Variants in UBE2O observed in about 807,000 individuals in gnomAD.
The protein encoded by UBE2O is ubiquitin conjugating enzyme E2 O.
UBE2O carries 15 observed loss-of-function variants against 125.8 expected under a neutral mutation model. The ratio of observed to expected loss-of-function variants is 0.12; its 90% confidence interval spans 0.08 to 0.18. The LOEUF (loss-of-function observed/expected upper bound fraction) is 0.18, where lower values mean the gene tolerates loss of function less well. Ranked by LOEUF, UBE2O falls within the 10% of genes least tolerant of loss-of-function variation. The pLI is 1.00. For synonymous variants in UBE2O, 708 were observed against 703.2 expected, an observed-to-expected ratio of 1.01 and a Z score of -0.11; for missense variants, 1,280 against 1,723.6, an observed-to-expected ratio of 0.74 and a Z score of 4.56.
chr17:76,412,447 A>C (rs886573331), intron 1 of UBE2O, among the ~76,000 whole-genome samples: 2 of 152,106 alleles, frequency 1.3e-5, no homozygotes, highest in African/African-American at 4.8e-5. Flanking sequence ...CTAGGTGTAT[A>C]GAAAAAGAGT....
chr17:76,433,658 G>T (rs2072938487), intron 1 of UBE2O, among the ~76,000 whole-genome samples: 1 of 151,428 alleles, frequency 6.6e-6, no homozygotes, highest in Non-Finnish European at 1.5e-5. Context: ...AGGAGGTGGA[G>T]TGAGTATTGC....
At chr17:76,416,446 T>C (rs905439365) in intron 1 of UBE2O, among the ~76,000 whole-genome samples, 2 of 152,094 alleles carry the variant, frequency 1.3e-5, no homozygotes, top group Non-Finnish European at 2.9e-5. Context: ...CTGAGCTGCT[T>C]CTGGGAAAAT....
chr17:76,417,540 T>A (rs2072635649), intron 1 of UBE2O, among the ~76,000 whole-genome samples: 1 of 152,202 alleles, frequency 6.6e-6, no homozygotes, highest in South Asian at 2.1e-4. Context: ...GTCAAAATTC[T>A]CTACCCCCTC....
Position 76,391,009 on chromosome 17 carries a change from A to C in UBE2O, c.3813T>G (p.Gly1271=). 4 of 1,613,726 alleles carry C rather than the reference A, an allele frequency of 2.5e-6. No individual in the cohort carries two copies. Among genetic ancestry groups the C allele is most frequent in the Non-Finnish European group, 3.4e-6 (4 of 1,179,982 alleles). Residue 1271 remains glycine, a synonymous_variant, in exon 18 of 18, where the codon GGT becomes GGG. Transcript: ENST00000319380. The surrounding 1 kb of genome is among the most constrained non-coding windows in gnomAD (Gnocchi z 8.4). ...LSKGFIKSIR[G]VLTQFRAALL... ...GGGCAGCCCGGAACTGCGTCAGGAC[A>C]CCCCGGATGCTCTTGATGAAACCCT...
At chr17:76,403,694 A>G (rs764199321) in intron 3 of UBE2O, among the ~76,000 whole-genome samples, 1 of 152,250 alleles carries the variant, frequency 6.6e-6, no homozygotes, top group Non-Finnish European at 1.5e-5. Context: ...AGTAGCAATT[A>G]GCACACCTAG....
chr17:76,424,207 C>CTTTT (rs569775028), intron 1 of UBE2O, among the ~76,000 whole-genome samples: 1,830 of 105,242 alleles, frequency 0.017, 42 homozygotes, highest in Admixed American at 0.019. Context: ...CGCGCCCGGC[C>CTTTT]TTTTTTTTTT....
chr17:76,433,956 A>G (rs1370582706), intron 1 of UBE2O, among the ~76,000 whole-genome samples: 1 of 152,170 alleles, frequency 6.6e-6, no homozygotes, highest in African/African-American at 2.4e-5. Context: ...TATCAATTCT[A>G]TTTTTCAAGT....
chr17:76,405,566 G>A lies in UBE2O; in HGVS notation c.424C>T (p.Leu142=). The change falls in exon 2 of 18, where the codon CTA becomes TTA. Residue 142 remains leucine, a synonymous_variant. Coordinates refer to ENST00000319380, the MANE Select transcript of UBE2O (RefSeq NM_022066.4). This position sits in a 1 kb window ranked among gnomAD's most constrained non-coding sequence, Gnocchi z 6.1. The part of the protein sequence containing the change: ...KQHVKETKLK[L]EDRSVVPRDV... ...CGGGGCACCACAGAACGGTCCTCTA[G>A]TTTCAGCTGTAAAAGAAAATACAGG... 6.3e-7 allele frequency: 1 copy of A among 1,592,226 alleles called. No homozygotes were observed. The highest frequency in any genetic ancestry group is 8.5e-7 in the Non-Finnish European group (1 of 1,171,040).
chr17:76,420,057 T>A (rs2143799911), intron 1 of UBE2O, among the ~76,000 whole-genome samples: 1 of 152,196 alleles, frequency 6.6e-6, no homozygotes, highest in African/African-American at 2.4e-5. Context: ...CTGCCACAGC[T>A]CATGATCCGG....
At position 76,399,543 on chromosome 17, in the gene UBE2O, G is replaced by A. The variant is rs199680423; in HGVS notation, c.1534C>T (p.Arg512Cys). ...ATGGACAAGGGGATGCTCTTTTTGCGACTCGTGCCGCTGCCGCTCTGGGAG... is the reference window on the plus strand; with the variant it reads ...ATGGACAAGGGGATGCTCTTTTTGCAACTCGTGCCGCTGCCGCTCTGGGAG... Reference protein sequence around the residue: ...TSSQSGSGTSRKKSIPLSIKN... With the variant: ...TSSQSGSGTSCKKSIPLSIKN... Residue 512 changes from arginine to cysteine, a missense_variant, in exon 9 of 18, where the codon CGC becomes TGC. Around this residue, in one of 10 missense-constraint regions of UBE2O, gnomAD observed 145 missense variants for 219.6 expected, o/e 0.66. Transcript: ENST00000319380. This position sits in a 1 kb window ranked among gnomAD's most constrained non-coding sequence, Gnocchi z 6.9. The A allele has an allele frequency of 2.9e-4, 464 of 1,613,924 alleles. No individual in the cohort carries two copies. The highest frequency in any genetic ancestry group is 1.6e-4 in the Middle Eastern group (1 of 6,084).
chr17:76,405,566 GT>G lies in UBE2O; in HGVS notation c.423del (p.Lys141AsnfsTer2). On this transcript the variant is annotated frameshift_variant, in exon 2 of 18. Coordinates refer to ENST00000319380, the MANE Select transcript of UBE2O (RefSeq NM_022066.4). LOFTEE classifies it high-confidence loss of function. This position sits in a 1 kb window ranked among gnomAD's most constrained non-coding sequence, Gnocchi z 6.1. ...VKQHVKETKL[K>X]LEDRSVVPRD... Reference sequence around the variant, plus strand: ...CGGGGCACCACAGAACGGTCCTCTAGTTTCAGCTGTAAAAGAAAATACAGGT... The same window carrying G: ...CGGGGCACCACAGAACGGTCCTCTAGTTCAGCTGTAAAAGAAAATACAGGT... 1 of 1,592,224 alleles carries G rather than the reference GT, an allele frequency of 6.3e-7. No homozygotes were observed. The highest frequency in any genetic ancestry group is 8.5e-7 in the Non-Finnish European group (1 of 1,171,038).
chr17:76,442,643 A>G (rs1196041425), intron 1 of UBE2O, among the ~76,000 whole-genome samples: 1 of 152,236 alleles, frequency 6.6e-6, no homozygotes, highest in East Asian at 1.9e-4. Context: ...TGAGTTGGGG[A>G]AAAGCAGTCA....
At position 76,389,508 on chromosome 17, in the gene UBE2O, C is replaced by CAAAAAAAAAA. The variant is rs1361682722; in HGVS notation, c.*1434_*1435insTTTTTTTTTT. 2 of 40,650 alleles carry CAAAAAAAAAA rather than the reference C, an allele frequency of 4.9e-5. 1 individual carries two copies. Among genetic ancestry groups the CAAAAAAAAAA allele is most frequent in the Non-Finnish European group, 9.3e-5 (2 of 21,590 alleles). 2.5% of individuals were successfully genotyped at this position (40,650 alleles called of 1,614,324 possible). A position where few individuals can be genotyped will look rare whatever the true frequency, so the allele number is the denominator to read the frequency against. On this transcript the variant is annotated 3_prime_UTR_variant, in exon 18 of 18. Transcript: ENST00000319380. ...TCACCTTGTCTTGCTAATGAGCCAACACAAAAAAAAAAAAAAAAAAAAATG... is the reference window on the plus strand; with the variant it reads ...TCACCTTGTCTTGCTAATGAGCCAACAAAAAAAAAAACAAAAAAAAAAAAAAAAAAAAATG...
intron 1 of UBE2O, among the ~76,000 whole-genome samples, chr17:76,433,410 G>A (rs2072933744): frequency 6.7e-6 from 1 of 148,938 alleles, no homozygotes; most frequent in Non-Finnish European, 1.5e-5. Flanking sequence ...ACAGAACATG[G>A]CTTCCAGGAG....
intron 1 of UBE2O, among the ~76,000 whole-genome samples, chr17:76,415,705 C>T (rs757641241): frequency 3.6e-4 from 55 of 151,532 alleles, no homozygotes; most frequent in Admixed American, 2.8e-3. Context: ...CTTAGGAGGC[C>T]GAGGTAGGAG....
chr17:76,452,887 C>A lies in UBE2O; in HGVS notation c.255G>T (p.Glu85Asp). Residue 85 changes from glutamate (E) to aspartate (D), a missense_variant, in exon 1 of 18, where the codon GAG becomes GAT. Physicochemically the swap from Glu to Asp is conservative, Grantham distance 45 (BLOSUM62 2). Around this residue, in one of 10 missense-constraint regions of UBE2O, gnomAD observed 188 missense variants for 192.5 expected, o/e 0.98. Transcript: ENST00000319380. The surrounding 1 kb of genome is among the most constrained non-coding windows in gnomAD (Gnocchi z 4.4). ...CCTCCTCGCCCTCCGAGTCCGAGTC[C>A]TCGCCGTGGATGAGGCGCACCAGCC... ...HFGLVRLIHG[E>D]DSDSEGEEEG... is the part of the protein sequence containing the mutation. 1 of 1,499,176 alleles carries A rather than the reference C, an allele frequency of 6.7e-7. No homozygotes were observed. Among genetic ancestry groups the A allele is most frequent in the Non-Finnish European group, 8.9e-7 (1 of 1,123,482 alleles). The allele number at this position is 1,499,176 out of a possible 1,614,324, so 92.9% of individuals were successfully genotyped here. A position where few individuals can be genotyped will look rare whatever the true frequency, so the allele number is the denominator to read the frequency against.
In UBE2O at chr17:76,398,567, G is replaced by C; in HGVS notation, c.1801C>G (p.Pro601Ala). 1 of 1,614,006 alleles carries C rather than the reference G, an allele frequency of 6.2e-7. No individual in the cohort carries two copies. Among genetic ancestry groups the C allele is most frequent in the Non-Finnish European group, 8.5e-7 (1 of 1,180,006 alleles). Reference sequence around the variant, plus strand: ...GACTGTACCACACCGTAGACAGCAGGGTCTGGACAGCTCTGGACTAGGGAA... The same window carrying C: ...GACTGTACCACACCGTAGACAGCAGCGTCTGGACAGCTCTGGACTAGGGAA... ...VDKRVQSCPD[P>A]AVYGVVQSGD... The change falls in exon 11 of 18, where the codon CCT (proline) becomes GCT (alanine). Residue 601 changes from proline to alanine, a missense_variant. Around this residue, in one of 10 missense-constraint regions of UBE2O, gnomAD observed 145 missense variants for 219.6 expected, o/e 0.66. Transcript: ENST00000319380. This position sits in a 1 kb window ranked among gnomAD's most constrained non-coding sequence, Gnocchi z 5.4.
At chr17:76,449,145 C>A (rs1343120770) in intron 1 of UBE2O, among the ~76,000 whole-genome samples, 1 of 152,266 alleles carries the variant, frequency 6.6e-6, no homozygotes, top group Non-Finnish European at 1.5e-5. Context: ...GTCTCTTCAT[C>A]TCTCTTTGTA....
At chr17:76,435,460 A>G (rs1333330896) in intron 1 of UBE2O, among the ~76,000 whole-genome samples, 1 of 151,072 alleles carries the variant, frequency 6.6e-6, no homozygotes, top group Non-Finnish European at 1.5e-5. Context: ...ACACACAAAG[A>G]TTAAGATTTA....
Sources: allele counts gnomAD v4.1 joint callset (sites outside exome capture counted in the v4.1 genomes callset), GRCh38; gene constraint gnomAD v4.1.1; regional missense constraint gnomAD v4.1.1; non-coding constraint Gnocchi (gnomAD v3.1); transcripts MANE v1.5; gene names NCBI Gene and HGNC (gene_info 2026-07-23, HGNC 2026-07-21).